Variants in RAB11FIP4 observed in about 807,000 individuals in gnomAD.
The protein encoded by RAB11FIP4 is RAB11 family interacting protein 4.
Under a neutral mutation model 74.3 loss-of-function variants are expected in RAB11FIP4, and 23 were observed. The observed-to-expected ratio is 0.31, with a 90% CI of 0.22 to 0.44. RAB11FIP4 has a LOEUF of 0.44. RAB11FIP4 is among the 20% of genes least tolerant of loss of function. The probability of loss-of-function intolerance (pLI) is 1.00; values close to 1 mark genes in which losing one functional copy is unlikely to be tolerated. For synonymous variants in RAB11FIP4, 360 were observed against 359.9 expected (o/e 1.00, Z 0.00); for missense variants, 630 against 863.9 (o/e 0.73, Z 3.39).
intron 3 of RAB11FIP4, among the ~76,000 whole-genome samples, chr17:31,498,837 T>C (rs1027540007): frequency 1.6e-4 from 25 of 152,198 alleles, no homozygotes; most frequent in Admixed American, 5.9e-4. Context: ...CTGTTTTCCC[T>C]CCCAAACCTT....
At chr17:31,502,655 C>CA (rs2072244206) in intron 3 of RAB11FIP4, among the ~76,000 whole-genome samples, 1 of 152,054 alleles carries the variant, frequency 6.6e-6, no homozygotes, top group Non-Finnish European at 1.5e-5. Flanking sequence ...AGAAGGTGGG[C>CA]GAAAAATCCA....
intron 3 of RAB11FIP4, among the ~76,000 whole-genome samples, chr17:31,505,580 TA>T (rs2072320301): frequency 1.5e-5 from 1 of 68,594 alleles, no homozygotes; most frequent in Non-Finnish European, 2.4e-5. Context: ...TAATAATATA[TA>T]ATAATAATTA....
At chr17:31,518,128 A>G (rs748024938) in intron 4 of RAB11FIP4, among the ~76,000 whole-genome samples, 21 of 152,186 alleles carry the variant, frequency 1.4e-4, no homozygotes, top group Non-Finnish European at 3.1e-4. Flanking sequence ...TTTCAGTCCT[A>G]GCTGTGCAGG....
rs2142845372 is a variant in RAB11FIP4, at chr17:31,536,832, G to A, written c.*5100G>A. The A allele has an allele frequency of 2.5e-6, 1 of 397,024 alleles. No individual in the cohort carries two copies. The highest frequency in any genetic ancestry group is 3.6e-5 in the East Asian group (1 of 28,050). 24.6% of individuals were successfully genotyped at this position (397,024 alleles called of 1,614,324 possible). ...TGCTACCCACCAGAGAAAATAGGCT[G>A]CCTTCTAGAAAGATTTGTTTCTAAA... is the stretch of plus-strand genomic sequence containing the variant. On this transcript the variant is annotated 3_prime_UTR_variant, in exon 15 of 15. Transcript: ENST00000621161.
At chr17:31,395,349 G>A (rs2070918918) in intron 1 of RAB11FIP4, among the ~76,000 whole-genome samples, 1 of 152,186 alleles carries the variant, frequency 6.6e-6, no homozygotes, top group Non-Finnish European at 1.5e-5. Context: ...CACCGTGTAA[G>A]CATGAGATGT....
In RAB11FIP4 at chr17:31,528,287, G is replaced by A. The variant is rs893329481; in HGVS notation, c.1357-119G>A. 4 of 1,163,912 alleles carry A rather than the reference G, an allele frequency of 3.4e-6. No individual in the cohort carries two copies. In the African/African-American group the frequency reaches 4.6e-5, roughly 13 times the overall value. The allele number at this position is 1,163,912 out of a possible 1,614,324, so 72.1% of individuals were successfully genotyped here. On this transcript the variant is annotated intron_variant, in intron 11 of 14. Coordinates refer to ENST00000621161, the MANE Select transcript of RAB11FIP4 (RefSeq NM_032932.6). Reference sequence around the variant, plus strand: ...AAGACTCAGGGCTCCGTCTAAGGGAGCTGGTTTCACTGTGCATCTGCCTCG... The same window carrying A: ...AAGACTCAGGGCTCCGTCTAAGGGAACTGGTTTCACTGTGCATCTGCCTCG...
intron 3 of RAB11FIP4, among the ~76,000 whole-genome samples, chr17:31,457,994 G>T (rs756076847): frequency 2.1e-4 from 32 of 152,134 alleles, no homozygotes; most frequent in Non-Finnish European, 4.0e-4. Flanking sequence ...TGAGGGAAGG[G>T]ACAGATGGAG....
At chr17:31,488,162 TC>T in intron 3 of RAB11FIP4, 2 of 1,065,390 alleles carry the variant, frequency 1.9e-6, no homozygotes, top group Non-Finnish European at 2.3e-6. Flanking sequence ...TTCCTGCGCT[TC>T]GGGGCTGCCC....
intron 3 of RAB11FIP4, among the ~76,000 whole-genome samples, chr17:31,461,651 A>G (rs999646202): frequency 6.6e-5 from 10 of 151,916 alleles, no homozygotes; most frequent in African/African-American, 2.2e-4. Context: ...CAAACTCCCA[A>G]TGTCAGGGGA....
At position 31,431,920 on chromosome 17, in the gene RAB11FIP4, C is replaced by T. The variant is rs894470044; in HGVS notation, c.247+20C>T. ...TGAAAGGTGAGGTCTTCCCGGGAGG[C>T]TTTCCCAGGCGCTCTCCGGTCCTGC... On this transcript the variant is annotated intron_variant, in intron 2 of 14. Coordinates refer to ENST00000621161, the MANE Select transcript of RAB11FIP4 (RefSeq NM_032932.6). 4.4e-6 allele frequency: 7 copies of T among 1,574,108 alleles called. No individual in the cohort carries two copies. In the African/African-American group the frequency reaches 8.1e-5, roughly 18 times the overall value.
At chr17:31,485,476 A>AC (rs1253394602) in intron 3 of RAB11FIP4, among the ~76,000 whole-genome samples, 2 of 152,060 alleles carry the variant, frequency 1.3e-5, no homozygotes, top group African/African-American at 4.8e-5. Context: ...AGGGATGATC[A>AC]CCCTTGGTTT....
chr17:31,493,006 G>A (rs535598403), intron 3 of RAB11FIP4, among the ~76,000 whole-genome samples: 59 of 152,242 alleles, frequency 3.9e-4, no homozygotes, highest in African/African-American at 1.4e-3. Context: ...GCCTACAAGG[G>A]TCGTATGAAG....
chr17:31,422,214 G>A (rs756471253), intron 1 of RAB11FIP4, among the ~76,000 whole-genome samples: 5 of 152,092 alleles, frequency 3.3e-5, no homozygotes, highest in Admixed American at 1.3e-4. Flanking sequence ...TTGTTTAATC[G>A]TCCAAGATAT....
intron 3 of RAB11FIP4, among the ~76,000 whole-genome samples, chr17:31,494,192 G>C (rs1270200158): frequency 6.6e-6 from 1 of 151,886 alleles, no homozygotes; most frequent in African/African-American, 2.4e-5. Context: ...TCAGAGTCAG[G>C]CTGTCTCTGG....
chr17:31,525,619 G>A lies in RAB11FIP4; in HGVS notation c.1274+389G>A, dbSNP rs375825410. 4.8e-5 allele frequency: 10 copies of A among 208,092 alleles called. No individual in the cohort carries two copies. In the East Asian group the frequency reaches 6.7e-4, roughly 14 times the overall value. 12.9% of individuals were successfully genotyped at this position (208,092 alleles called of 1,614,324 possible). A position where few individuals can be genotyped will look rare whatever the true frequency, so the allele number is the denominator to read the frequency against. On this transcript the variant is annotated intron_variant, in intron 10 of 14. Coordinates refer to ENST00000621161, the MANE Select transcript of RAB11FIP4 (RefSeq NM_032932.6). ...GGAAAACCCGGCTCCTGTGCCTTGC[G>A]TGTACCTGTGGCTTCGTCATTGGAA...
At chr17:31,519,172 GCC>G (rs2072618250) in intron 4 of RAB11FIP4, among the ~76,000 whole-genome samples, 1 of 151,850 alleles carries the variant, frequency 6.6e-6, no homozygotes, top group Non-Finnish European at 1.5e-5. Flanking sequence ...CCACCACCAC[GCC>G]TGGCTAATTT....
At chr17:31,522,093 G>A (rs201647174) in intron 6 of RAB11FIP4, 44 bp downstream of exon 6, 7 of 1,612,552 alleles carry the variant, frequency 4.3e-6, no homozygotes, top group East Asian at 2.2e-5. Context: ...CGGGGGGCCA[G>A]GGCAGGGCCT....
In RAB11FIP4 at chr17:31,525,242, C is replaced by T; in HGVS notation, c.1274+12C>T. The T allele has an allele frequency of 1.3e-6, 2 of 1,539,194 alleles. No homozygotes were observed. The highest frequency in any genetic ancestry group is 1.8e-6 in the Non-Finnish European group (2 of 1,142,188). On this transcript the variant is annotated intron_variant, in intron 10 of 14. Coordinates refer to ENST00000621161, the MANE Select transcript of RAB11FIP4 (RefSeq NM_032932.6). ...CTGCTCAATGCCAGGTGGGCCCCTC[C>T]ACCGAGCCCCCTCCCTCAGAGGGAC...
chr17:31,412,298 C>T (rs1433871162), intron 1 of RAB11FIP4, among the ~76,000 whole-genome samples: 3 of 152,200 alleles, frequency 2.0e-5, no homozygotes, highest in Non-Finnish European at 2.9e-5. Context: ...GCAGGGGTCC[C>T]ACCCGTGTCC....
Sources: gnomAD v4.1 joint callset for allele counts (sites outside exome capture counted in the v4.1 genomes callset) on GRCh38, gnomAD v4.1.1 for gene constraint, MANE v1.5 for transcripts, NCBI Gene and HGNC (gene_info 2026-07-23, HGNC 2026-07-21) for gene names.